The following PAK1 variants were observed in gnomAD, a reference collection of about 807,000 sequenced individuals.
PAK1 encodes the protein p21 (RAC1) activated kinase 1, also known as serine/threonine-protein kinase PAK 1.
In PAK1, 29 loss-of-function variants were observed where a neutral mutation model predicts 67.4. That is an observed-to-expected ratio of 0.43 (90% CI 0.32 to 0.59). The LOEUF is 0.59. Among genes scored for constraint, PAK1 ranks in the 20% least tolerant of loss-of-function variants. The pLI is 0.07. For synonymous variants in PAK1, 223 were observed against 237.4 expected (o/e 0.94, Z 0.56); for missense variants, 337 against 670.7 (o/e 0.50, Z 5.50).
At chr11:77,490,350 C>T in the PAK1 span, among the ~76,000 whole-genome samples, 852 of 145,996 alleles carry the variant, frequency 5.8e-3, 22 homozygotes, top group Admixed American at 0.04. Flanking sequence ...GCCCCCCACC[C>T]GGCCAGCCGC....
At chr11:77,510,389 C>T in the PAK1 span, among the ~76,000 whole-genome samples, 1 of 152,160 alleles carries the variant, frequency 6.6e-6, no homozygotes, top group Non-Finnish European at 1.5e-5. Context: ...TGCAATCATG[C>T]CCAGCTAATT....
Position 77,332,881 on chromosome 11 carries a change from T to C in PAK1, c.1414-14A>G. Reference sequence around the variant, plus strand: ...GAGGTACAAGGCCTGGCAATAAAAATGGTGAATCACCTTGAGCTCCAAATG... The same window carrying C: ...GAGGTACAAGGCCTGGCAATAAAAACGGTGAATCACCTTGAGCTCCAAATG... On this transcript the variant is annotated splice_polypyrimidine_tract_variant and intron_variant, in intron 13 of 14. Transcript: ENST00000356341. 1.9e-6 allele frequency: 3 copies of C among 1,612,970 alleles called. No individual in the cohort carries two copies. The highest frequency in any genetic ancestry group is 1.7e-6 in the Non-Finnish European group (2 of 1,178,998).
the PAK1 span, among the ~76,000 whole-genome samples, chr11:77,493,975 A>G: frequency 6.6e-6 from 1 of 152,230 alleles, no homozygotes; most frequent in Non-Finnish European, 1.5e-5. Context: ...GATAATGCCA[A>G]TGCTGATGAG....
chr11:77,363,944 G>C (rs564594629), intron 5 of PAK1, among the ~76,000 whole-genome samples: 14 of 152,336 alleles, frequency 9.2e-5, no homozygotes, highest in African/African-American at 3.4e-4. Context: ...GGTTCCATCA[G>C]GGCAGACCAG....
chr11:77,462,527 G>C (rs1244433663), intron 1 of PAK1, among the ~76,000 whole-genome samples: 1 of 151,602 alleles, frequency 6.6e-6, no homozygotes, highest in Non-Finnish European at 1.5e-5. Flanking sequence ...TCAAATAACA[G>C]TTCTTAGTAA....
intron 14 of PAK1, among the ~76,000 whole-genome samples, chr11:77,329,623 G>A (rs1940958190): frequency 6.6e-6 from 1 of 151,920 alleles, no homozygotes; most frequent in Admixed American, 6.6e-5. Flanking sequence ...AGGTATTGAT[G>A]GGACATATCT....
chr11:77,333,017 G>A (rs1359348476), intron 13 of PAK1, 150 bp from the exon 14 acceptor site: 4 of 672,970 alleles, frequency 5.9e-6, no homozygotes, highest in Admixed American at 5.3e-5. Context: ...TATGACCTAA[G>A]GATCAGGTTG....
chr11:77,363,327 C>G (rs1947057432), intron 5 of PAK1, among the ~76,000 whole-genome samples: 1 of 152,164 alleles, frequency 6.6e-6, no homozygotes, highest in Non-Finnish European at 1.5e-5. Context: ...GCTCACTAAG[C>G]ATTCTGTCCC....
At chr11:77,332,931 C>G in intron 13 of PAK1, 64 bp from the exon 14 acceptor site, 1 of 1,492,976 alleles carries the variant, frequency 6.7e-7, no homozygotes, top group Non-Finnish European at 9.3e-7. Flanking sequence ...TCCCCATATA[C>G]AAGTTCTAGA....
At chr11:77,456,470 AGG>A (rs1446259756) in intron 1 of PAK1, among the ~76,000 whole-genome samples, 3 of 152,222 alleles carry the variant, frequency 2.0e-5, no homozygotes, top group Non-Finnish European at 4.4e-5. Context: ...CTAGGTGCTG[AGG>A]ACAACAAAGA....
At chr11:77,386,231 T>C (rs969118547) in intron 2 of PAK1, among the ~76,000 whole-genome samples, 1 of 152,184 alleles carries the variant, frequency 6.6e-6, no homozygotes, top group Non-Finnish European at 1.5e-5. Context: ...AAAAAAATGA[T>C]TTTTAAGCAG....
At chr11:77,486,961 T>C in the PAK1 span, among the ~76,000 whole-genome samples, 1 of 152,170 alleles carries the variant, frequency 6.6e-6, no homozygotes, top group African/African-American at 2.4e-5. Flanking sequence ...AGTGAGACAC[T>C]GGCCAGGGTA....
At chr11:77,450,114 A>G (rs1181852255) in intron 1 of PAK1, among the ~76,000 whole-genome samples, 1 of 152,208 alleles carries the variant, frequency 6.6e-6, no homozygotes, top group East Asian at 1.9e-4. Flanking sequence ...TTGGAAAGAT[A>G]ATTATTTAAA....
intron 9 of PAK1, among the ~76,000 whole-genome samples, chr11:77,344,255 A>G (rs140341567): frequency 3.3e-5 from 5 of 152,238 alleles, no homozygotes; most frequent in Admixed American, 6.5e-5. Flanking sequence ...TGGTGTAGAA[A>G]AATACTTTTA....
intron 1 of PAK1, among the ~76,000 whole-genome samples, chr11:77,471,812 T>C (rs1362637369): frequency 1.3e-5 from 2 of 152,196 alleles, no homozygotes; most frequent in Admixed American, 6.5e-5. Context: ...CCTTCAAACC[T>C]AGCACAGGGA....
chr11:77,429,998 T>G (rs1391221776), intron 1 of PAK1, among the ~76,000 whole-genome samples: 1 of 152,144 alleles, frequency 6.6e-6, no homozygotes, highest in African/African-American at 2.4e-5. Context: ...ACAAAACAGA[T>G]GATGAAGATC....
At chr11:77,515,062 T>G in the PAK1 span, 3 of 152,208 alleles carry the variant, frequency 2.0e-5, no homozygotes, top group South Asian at 4.1e-4. Flanking sequence ...CCTAATTGAA[T>G]AGCAATAATT....
At chr11:77,361,476 CAG>C (rs1946775922) in intron 5 of PAK1, among the ~76,000 whole-genome samples, 1 of 152,082 alleles carries the variant, frequency 6.6e-6, no homozygotes, top group Non-Finnish European at 1.5e-5. Context: ...TATGTAAAGT[CAG>C]AGAGGCGGTA....
At chr11:77,427,543 G>A (rs1955614857) in intron 1 of PAK1, among the ~76,000 whole-genome samples, 1 of 152,166 alleles carries the variant, frequency 6.6e-6, no homozygotes, top group South Asian at 2.1e-4. Context: ...TGGGACCTGT[G>A]AATGGACTTC....
Sources: gnomAD v4.1 joint callset for allele counts (sites outside exome capture counted in the v4.1 genomes callset) on GRCh38, gnomAD v4.1.1 for gene constraint, MANE v1.5 for transcripts, NCBI Gene and HGNC (gene_info 2026-07-23, HGNC 2026-07-21) for gene names.